Variants in GSE1 observed in about 807,000 individuals in gnomAD.
GSE1 encodes the protein genetic suppressor element 1.
In GSE1, 32 loss-of-function variants were observed where a neutral mutation model predicts 112.6. The ratio of observed to expected loss-of-function variants is 0.28; its 90% CI spans 0.21 to 0.38. GSE1 has a LOEUF of 0.38. Among genes scored for constraint, GSE1 ranks in the 10% least tolerant of loss-of-function variants. The probability of loss-of-function intolerance (pLI) is 1.00; values close to 1 mark genes in which losing one functional copy is unlikely to be tolerated. For missense variants in GSE1, 2,348 were observed against 1,699.2 expected (o/e 1.38, Z -6.71); for synonymous variants, 1,115 against 735.6 (o/e 1.52, Z -8.35).
At position 85,654,930 on chromosome 16, in the gene GSE1, G is replaced by C. The variant is rs1466411005; in HGVS notation, c.736G>C (p.Ala246Pro). ...TCCCCTCGGCCTGGACCCGGCCACT[G>C]CTGCAGCCTACTACCACCCCAGCTA... ...LPPLGLDPAT[A>P]AAYYHPSYLA... Residue 246 changes from alanine to proline, a missense_variant, in exon 5 of 16, where the codon GCT (alanine) becomes CCT (proline). Ala to Pro is a conservative substitution (Grantham distance 27, BLOSUM62 -1). Coordinates refer to ENST00000253458, the MANE Select transcript of GSE1 (RefSeq NM_014615.5). 6.2e-7 allele frequency: 1 copy of C among 1,610,956 alleles called. No homozygotes were observed. Among genetic ancestry groups the C allele is most frequent in the South Asian group, 1.1e-5 (1 of 90,922 alleles).
intron 1 of GSE1, among the ~76,000 whole-genome samples, chr16:85,274,133 C>G (rs1173217450): frequency 2.6e-5 from 4 of 151,790 alleles, no homozygotes; most frequent in African/African-American, 9.7e-5. Flanking sequence ...CTCCTGTAAT[C>G]CCAGCACTTC....
chr16:85,569,708 C>T (rs969614293), intron 1 of GSE1, among the ~76,000 whole-genome samples: 2 of 152,194 alleles, frequency 1.3e-5, no homozygotes, highest in African/African-American at 2.4e-5. Flanking sequence ...ACTGCCGTCT[C>T]GTGTTACGTG....
intron 3 of GSE1, among the ~76,000 whole-genome samples, chr16:85,650,381 G>A (rs987802268): frequency 1.3e-5 from 2 of 152,120 alleles, no homozygotes; most frequent in African/African-American, 4.8e-5. Context: ...TGGTGCCAGC[G>A]CCCGCAGCTC....
intron 1 of GSE1, among the ~76,000 whole-genome samples, chr16:85,299,208 C>T (rs1284357550): frequency 6.6e-6 from 1 of 152,206 alleles, no homozygotes; most frequent in Non-Finnish European, 1.5e-5. Context: ...CAAGTCTAGG[C>T]AACATGCTGG....
At chr16:85,542,992 C>G (rs975001495) in intron 2 of GSE1, among the ~76,000 whole-genome samples, 3 of 152,132 alleles carry the variant, frequency 2.0e-5, no homozygotes. Flanking sequence ...CTTTGGGAGG[C>G]CAAGGTGGGT....
At chr16:85,451,737 CTGGTGGTTGGTGCGTGCGCTGG>C (rs535331495) in intron 2 of GSE1, among the ~76,000 whole-genome samples, 529 of 51,938 alleles carry the variant, frequency 0.01, 109 homozygotes, top group Middle Eastern at 0.035. Flanking sequence ...GGTGTGTGTG[CTGGTGGTTGGTGCGTGCGCTGG>C]TGGTGGTTGG....
At chr16:85,534,079 C>T (rs994312302) in intron 2 of GSE1, among the ~76,000 whole-genome samples, 4 of 151,944 alleles carry the variant, frequency 2.6e-5, no homozygotes, top group African/African-American at 7.3e-5. Flanking sequence ...GCCTTGGCAA[C>T]TGTCATCTGC....
chr16:85,303,726 C>T (rs1181164362), intron 1 of GSE1, among the ~76,000 whole-genome samples: 1 of 152,266 alleles, frequency 6.6e-6, no homozygotes, highest in Non-Finnish European at 1.5e-5. Context: ...CGGCCGCCGC[C>T]TCCCGAGTTC....
In GSE1 at chr16:85,450,684, T is replaced by C. The variant is rs180967467; in HGVS notation, c.2464+93041T>C. On this transcript the variant is annotated intron_variant, in intron 2 of 2. Coordinates refer to the GSE1 transcript ENST00000637419. ...CAGGCTGGTCTTGAATTCCTGACCT[T>C]GTGATCCACCCGCCTTGGCCTCCCA... Among the ~76,000 whole-genome samples the C allele has an allele frequency of 2.8e-3, 408 of 147,838 alleles. 3 individuals are homozygous for C. The highest frequency in any genetic ancestry group is 9.8e-3 in the African/African-American group (393 of 40,072).
In GSE1 at chr16:85,613,381, G is replaced by T. The variant is rs373746902; in HGVS notation, c.-11G>T. 3 of 1,568,420 alleles carry T rather than the reference G, an allele frequency of 1.9e-6. No homozygotes were observed. Among genetic ancestry groups the T allele is most frequent in the East Asian group, 2.4e-5 (1 of 41,928 alleles). On this transcript the variant is annotated 5_prime_UTR_variant, in exon 1 of 16. Coordinates refer to ENST00000253458, the MANE Select transcript of GSE1 (RefSeq NM_014615.5). ...CATGTATCAGCCGAGGTGGAGCTGC[G>T]GGGCCCTGGCATGAAAGGTGAGCGC...
intron 1 of GSE1, among the ~76,000 whole-genome samples, chr16:85,174,408 G>A (rs1417501140): frequency 5.9e-5 from 9 of 152,218 alleles, no homozygotes; most frequent in Non-Finnish European, 1.3e-4. Flanking sequence ...CAGCTCTGAT[G>A]GGTCTCAGGC....
intron 1 of GSE1, among the ~76,000 whole-genome samples, chr16:85,208,378 C>T (rs1035228498): frequency 6.6e-6 from 1 of 152,316 alleles, no homozygotes; most frequent in East Asian, 1.9e-4. Flanking sequence ...TGCTCCCACT[C>T]AGTACTCCCT....
Position 85,416,324 on chromosome 16 carries a change from C to T in GSE1, c.2464+58681C>T, listed in dbSNP as rs117760634. 4.3e-3 allele frequency among the ~76,000 whole-genome samples: 651 copies of T among 152,184 alleles called. 1 individual carries two copies. The highest frequency in any genetic ancestry group is 0.024 in the South Asian group (115 of 4,816). ...GGCCCGGGGCCGGGAGCTGGGAGGGCCGCCTAATTTCTCAAGGTTGAATGT... is the reference window on the plus strand; with the variant it reads ...GGCCCGGGGCCGGGAGCTGGGAGGGTCGCCTAATTTCTCAAGGTTGAATGT... On this transcript the variant is annotated intron_variant, in intron 2 of 2. Coordinates refer to the GSE1 transcript ENST00000637419.
In GSE1 at chr16:85,661,445, A is replaced by T. The variant is rs756830275; in HGVS notation, c.1940A>T (p.Asp647Val). The change falls in exon 9 of 16, where the codon GAC becomes GTC. Residue 647 changes from aspartate to valine, a missense_variant. By Grantham distance (152) the Asp-to-Val change is radical (BLOSUM62 -3). Transcript: ENST00000253458. Reference protein sequence around the residue: ...GPRKREPAPLDKYQPPPPPPR... With the variant: ...GPRKREPAPLVKYQPPPPPPR... ...CGGAAGCGTGAGCCTGCCCCTCTGG[A>T]CAAGTACCAGCCACCTCCGCCGCCA... The T allele has an allele frequency of 8.1e-6, 13 of 1,611,850 alleles. No individual in the cohort carries two copies. In the East Asian group the frequency reaches 2.7e-4, roughly 33 times the overall value.
intron 2 of GSE1, chr16:85,490,226 GT>G (rs998268900): frequency 2.4e-4 from 36 of 152,336 alleles, no homozygotes; most frequent in African/African-American, 7.9e-4. Flanking sequence ...TGTTTTCTGT[GT>G]TCCCTGGAGG....
At chr16:85,318,145 G>A (rs1196626037) in intron 1 of GSE1, among the ~76,000 whole-genome samples, 1 of 152,194 alleles carries the variant, frequency 6.6e-6, no homozygotes, top group African/African-American at 2.4e-5. Flanking sequence ...GGGATGCGGT[G>A]CCCACCGCCA....
chr16:85,496,287 C>T (rs999771977), intron 2 of GSE1, among the ~76,000 whole-genome samples: 1 of 152,270 alleles, frequency 6.6e-6, no homozygotes, highest in Non-Finnish European at 1.5e-5. Flanking sequence ...GGCCGCCCCT[C>T]GCGGGCCCGA....
chr16:85,349,893 C>T (rs74031794), intron 1 of GSE1, among the ~76,000 whole-genome samples: 2,055 of 152,306 alleles, frequency 0.013, 47 homozygotes, highest in African/African-American at 0.047. Context: ...GGTTGCTGTA[C>T]GGCCGCTAGG....
intron 1 of GSE1, among the ~76,000 whole-genome samples, chr16:85,246,498 A>ACCCCCCCCCCCCCCCCCCCCCCCCCCCCC (rs1567636430): frequency 6.3e-5 from 2 of 31,532 alleles, no homozygotes; most frequent in Non-Finnish European, 6.6e-5. Context: ...CACACTCTAC[A>ACCCCCCCCCCCCCCCCCCCCCCCCCCCCC]CACCCCCCCC....
Sources: allele counts gnomAD v4.1 joint callset (sites outside exome capture counted in the v4.1 genomes callset), GRCh38; gene constraint gnomAD v4.1.1; transcripts MANE v1.5; gene names NCBI Gene and HGNC (gene_info 2026-07-23, HGNC 2026-07-21).